LINC00305: variants seen among roughly 807,000 people sequenced by gnomAD.
LINC00305 encodes the protein long independently transcribed non-coding RNA 305.
At chr18:64,112,249 G>T (rs937400644) in intron 1 of LINC00305, among the ~76,000 whole-genome samples, 2 of 148,478 alleles carry the variant, frequency 1.3e-5, no homozygotes, top group African/African-American at 5.0e-5. Flanking sequence ...TGGAAGACTG[G>T]AAAAATAGCT....
chr18:64,129,758 A>G lies in LINC00305; in HGVS notation n.314+19017T>C, dbSNP rs183745260. On this transcript the variant is annotated intron_variant and non_coding_transcript_variant, in intron 1 of 3. Transcript: ENST00000666468. ...GTGATATTTACTTAGTTCATGGACA[A>G]TTGCAATCTTTCCAACTGCTTCTTT... 8.7e-4 allele frequency among the ~76,000 whole-genome samples: 133 copies of G among 152,264 alleles called. 1 individual carries two copies. Among genetic ancestry groups the G allele is most frequent in the African/African-American group, 3.1e-3 (128 of 41,558 alleles).
intron 3 of LINC00305, among the ~76,000 whole-genome samples, chr18:64,081,519 C>A (rs533597589): frequency 2.0e-5 from 3 of 152,002 alleles, no homozygotes; most frequent in African/African-American, 7.2e-5. Context: ...CAAAAGATAC[C>A]AACATTAGTA....
intron 1 of LINC00305, among the ~76,000 whole-genome samples, chr18:64,099,689 C>G (rs1027074783): frequency 2.0e-4 from 31 of 152,130 alleles, no homozygotes; most frequent in African/African-American, 7.5e-4. Context: ...TTGGTTTTGA[C>G]CATCAGGGAG....
At chr18:64,082,378 C>T (rs1357068089) in intron 3 of LINC00305, among the ~76,000 whole-genome samples, 2 of 152,144 alleles carry the variant, frequency 1.3e-5, no homozygotes, top group Non-Finnish European at 2.9e-5. Flanking sequence ...ACTCCCCACT[C>T]CTGCCAAATT....
rs201439891 is a variant in LINC00305 at position 64,133,477 on chromosome 18, T to TA, written n.314+15297dup. Among the ~76,000 whole-genome samples the TA allele has an allele frequency of 4.1e-3, 630 of 152,318 alleles. 3 individuals carry two copies. The highest frequency in any genetic ancestry group is 0.014 in the African/African-American group (602 of 41,566). On this transcript the variant is annotated intron_variant and non_coding_transcript_variant, in intron 1 of 3. Coordinates refer to ENST00000666468, the Ensembl canonical transcript of LINC00305. ...AGGCCAGAATGATGTTTTTAAAATG[T>TA]AAGTCATAAGTGACTCCTCATTAAA...
intron 2 of LINC00305, chr18:64,098,514 A>T (rs980572940): frequency 6.9e-6 from 3 of 433,944 alleles, no homozygotes; most frequent in Non-Finnish European, 1.4e-5. Flanking sequence ...AAACTCTATA[A>T]ATAGGGTTAA....
chr18:64,119,824 C>A (rs1339700164), intron 1 of LINC00305, among the ~76,000 whole-genome samples: 2 of 152,052 alleles, frequency 1.3e-5, no homozygotes, highest in Non-Finnish European at 2.9e-5. Flanking sequence ...CTGCTCAGAT[C>A]TTCTTTTCTC....
chr18:64,094,893 A>AAATAAAT (rs2051239382), intron 3 of LINC00305, among the ~76,000 whole-genome samples: 3 of 150,926 alleles, frequency 2.0e-5, no homozygotes, highest in Admixed American at 1.3e-4. Flanking sequence ...ATAATAAAAT[A>AAATAAAT]AAATAAAAGA....
At chr18:64,086,018 G>T (rs927042488) in intron 3 of LINC00305, among the ~76,000 whole-genome samples, 2 of 152,172 alleles carry the variant, frequency 1.3e-5, no homozygotes, top group African/African-American at 4.8e-5. Context: ...CACAGAATAT[G>T]TTCTTAATAT....
At chr18:64,130,595 C>T (rs915273435) in intron 1 of LINC00305, among the ~76,000 whole-genome samples, 5 of 151,952 alleles carry the variant, frequency 3.3e-5, no homozygotes, top group Non-Finnish European at 5.9e-5. Context: ...ACTTTTTTTA[C>T]ATAATGGACT....
intron 3 of LINC00305, among the ~76,000 whole-genome samples, chr18:64,084,807 T>C (rs936589686): frequency 6.6e-5 from 10 of 152,222 alleles, no homozygotes; most frequent in African/African-American, 2.4e-4. Context: ...CTCAGCCCCA[T>C]ATATCTTTCA....
chr18:64,127,972 G>A (rs1869561649), intron 1 of LINC00305, among the ~76,000 whole-genome samples: 1 of 152,040 alleles, frequency 6.6e-6, no homozygotes, highest in African/African-American at 2.4e-5. Flanking sequence ...AGTTTTACAT[G>A]CTGAGCTCTC....
intron 3 of LINC00305, among the ~76,000 whole-genome samples, chr18:64,086,341 A>G (rs2144892258): frequency 6.6e-6 from 1 of 152,350 alleles, no homozygotes; most frequent in Middle Eastern, 3.4e-3. Flanking sequence ...AGATCAAAAT[A>G]TATGTCATAT....
At chr18:64,137,042 A>G (rs2051438107) in intron 1 of LINC00305, among the ~76,000 whole-genome samples, 1 of 152,216 alleles carries the variant, frequency 6.6e-6, no homozygotes, top group Non-Finnish European at 1.5e-5. Context: ...TAGGGTCTTT[A>G]TAGATGTAAT....
At chr18:64,087,696 A>G (rs1048692762) in intron 3 of LINC00305, among the ~76,000 whole-genome samples, 1 of 152,164 alleles carries the variant, frequency 6.6e-6, no homozygotes, top group Non-Finnish European at 1.5e-5. Flanking sequence ...TTAAGGACCT[A>G]TCTCTGGATC....
At chr18:64,143,275 AG>A (rs2051472975) in intron 1 of LINC00305, among the ~76,000 whole-genome samples, 2 of 152,184 alleles carry the variant, frequency 1.3e-5, no homozygotes, top group Non-Finnish European at 2.9e-5. Flanking sequence ...GGATTGTAAG[AG>A]GTAAACATAA....
At chr18:64,091,112 C>A (rs567863651) in intron 3 of LINC00305, among the ~76,000 whole-genome samples, 113 of 152,330 alleles carry the variant, frequency 7.4e-4, no homozygotes, top group African/African-American at 2.6e-3. Context: ...AAATGAGTAG[C>A]AAATAACATG....
At chr18:64,094,475 T>A (rs1000316507) in intron 3 of LINC00305, among the ~76,000 whole-genome samples, 16 of 152,106 alleles carry the variant, frequency 1.1e-4, no homozygotes, top group African/African-American at 3.9e-4. Context: ...CCAGGGAAGA[T>A]CCTCCAGGAT....
At chr18:64,089,819 C>T (rs2051218097) in intron 3 of LINC00305, among the ~76,000 whole-genome samples, 1 of 152,144 alleles carries the variant, frequency 6.6e-6, no homozygotes, top group African/African-American at 2.4e-5. Context: ...CAGGGAAACT[C>T]CACCTTATAA....
Sources: gnomAD v4.1 joint callset for allele counts (sites outside exome capture counted in the v4.1 genomes callset) on GRCh38, gnomAD v4.1.1 for gene constraint, MANE v1.5 for transcripts, NCBI Gene and HGNC (gene_info 2026-07-23, HGNC 2026-07-21) for gene names.